PPP2R3B: variants seen among roughly 807,000 people sequenced by gnomAD.
PPP2R3B encodes the protein protein phosphatase 2 regulatory subunit B''beta.
In PPP2R3B, 68 loss-of-function variants were observed where a neutral mutation model predicts 72.9. The observed-to-expected ratio is 0.93, with a 90% CI of 0.77 to 1.14. PPP2R3B has a LOEUF of 1.14. PPP2R3B is among the 50% of genes most tolerant of loss of function. The pLI, the probability that PPP2R3B is intolerant of heterozygous loss-of-function variation, is 0.00. For synonymous variants in PPP2R3B, 466 were observed against 375.8 expected (o/e 1.24, Z -2.78); for missense variants, 1,018 against 842.0 (o/e 1.21, Z -2.59).
Position 334,323 on chromosome X carries a change from G to T in PPP2R3B, c.*44C>A. 6.9e-7 allele frequency: 1 copy of T among 1,439,050 alleles called. No individual in the cohort carries two copies. The highest frequency in any genetic ancestry group is 2.7e-5 in the East Asian group (1 of 37,308). The allele number at this position is 1,439,050 out of a possible 1,614,324, so 89.1% of individuals were successfully genotyped here. On this transcript the variant is annotated 3_prime_UTR_variant, in exon 13 of 13. Coordinates refer to ENST00000390665, the MANE Select transcript of PPP2R3B (RefSeq NM_013239.5). ...ACACGAGCCGCGGTGGCCCGGTGGT[G>T]GCACGTGGGGAGCGGCCCCGCGGCG...
chrX:334,553 C>A (rs776061282), intron 12 of PPP2R3B, 36 bp from the exon 13 acceptor site: 7 of 1,471,794 alleles, frequency 4.8e-6, no homozygotes, highest in Non-Finnish European at 5.4e-6. Context: ...TGGCCAGCAG[C>A]GCGGAGCAGG....
intron 12 of PPP2R3B, chrX:338,259 C>G (rs2070943527): frequency 1.7e-5 from 8 of 465,864 alleles, no homozygotes; most frequent in Non-Finnish European, 2.8e-5. Flanking sequence ...GCCCTGCAGC[C>G]TGCCCAGCAG....
chrX:356,798 G>GT (rs1276915608), intron 2 of PPP2R3B, among the ~76,000 whole-genome samples: 1 of 148,638 alleles, frequency 6.7e-6, no homozygotes, highest in African/African-American at 2.6e-5. Context: ...GAGCCCCACA[G>GT]TATCCACACC....
At chrX:375,775 C>G (rs183772471) in intron 1 of PPP2R3B, among the ~76,000 whole-genome samples, 1 of 102,764 alleles carries the variant, frequency 9.7e-6, no homozygotes, top group Non-Finnish European at 2.2e-5. Flanking sequence ...CCAACGGGCG[C>G]GATCCTCACA....
At chrX:356,144 G>A (rs1390522230) in intron 2 of PPP2R3B, among the ~76,000 whole-genome samples, 1 of 152,234 alleles carries the variant, frequency 6.6e-6, no homozygotes, top group African/African-American at 2.4e-5. Context: ...GTGTGGCCAC[G>A]TGCCCGCAGG....
intron 1 of PPP2R3B, among the ~76,000 whole-genome samples, chrX:375,368 G>T (rs1414182690): frequency 6.7e-6 from 1 of 148,562 alleles, no homozygotes. Flanking sequence ...GATGCGGGGC[G>T]CAAACTCACA....
intron 1 of PPP2R3B, among the ~76,000 whole-genome samples, chrX:364,704 T>G (rs1046527355): frequency 1.9e-5 from 1 of 52,748 alleles, no homozygotes; most frequent in African/African-American, 1.5e-4. Context: ...GGCGACAGAG[T>G]GAGACTCTGT....
At chrX:383,710 C>T (rs1298909419) in intron 1 of PPP2R3B, among the ~76,000 whole-genome samples, 31 of 151,344 alleles carry the variant, frequency 2.0e-4, no homozygotes, top group African/African-American at 6.1e-4. Flanking sequence ...TGGTGGCGGG[C>T]GCCTGTAGTC....
At chrX:339,005 C>T in intron 10 of PPP2R3B, 109 bp from the exon 11 acceptor site, 3 of 881,542 alleles carry the variant, frequency 3.4e-6, no homozygotes, top group South Asian at 1.4e-5. Context: ...CGGCACGAAG[C>T]TCCGGGCTCT....
At position 346,264 on chromosome X, in the gene PPP2R3B, C is replaced by CG. The variant is rs759594102; in HGVS notation, c.793-5dup. ...CGTAGAAGATCCGCTGGATGACCTG[C>CG]GGGGGCGCTGTCAGTGCGGTGGGTG... is the stretch of plus-strand genomic sequence containing the variant. On this transcript the variant is annotated splice_region_variant and splice_polypyrimidine_tract_variant and intron_variant, in intron 5 of 12. Transcript: ENST00000390665. The CG allele has an allele frequency of 5.8e-6, 9 of 1,562,984 alleles. No individual in the cohort carries two copies. Among genetic ancestry groups the CG allele is most frequent in the Non-Finnish European group, 7.8e-6 (9 of 1,155,624 alleles).
At chrX:350,475 C>T (rs1250959454) in intron 2 of PPP2R3B, among the ~76,000 whole-genome samples, 2 of 152,138 alleles carry the variant, frequency 1.3e-5, no homozygotes, top group African/African-American at 4.8e-5. Context: ...CTCTGCAAGG[C>T]GAGATTCTGA....
Position 340,945 on chromosome X carries a change from G to C in PPP2R3B, c.1176-5C>G, listed in dbSNP as rs200592165. 3.7e-6 allele frequency: 6 copies of C among 1,608,686 alleles called. No individual in the cohort carries two copies. Among genetic ancestry groups the C allele is most frequent in the African/African-American group, 1.3e-5 (1 of 74,746 alleles). On this transcript the variant is annotated splice_region_variant and splice_polypyrimidine_tract_variant and intron_variant, in intron 9 of 12. Transcript: ENST00000390665. ...CAGCGGAACCAGTACTCGATGCTGC[G>C]GCACGGCGAGCTCTGTCAGCCCCTG...
rs1315653870 is a variant in PPP2R3B at position 341,552 on chromosome X, A to T, written c.1086-156T>A. 11 of 773,588 alleles carry T rather than the reference A, an allele frequency of 1.4e-5. No individual in the cohort carries two copies. In the East Asian group the frequency reaches 2.8e-4, roughly 20 times the overall value. 47.9% of individuals were successfully genotyped at this position (773,588 alleles called of 1,614,324 possible). A position where few individuals can be genotyped will look rare whatever the true frequency, so the allele number is the denominator to read the frequency against. On this transcript the variant is annotated intron_variant, in intron 8 of 12. Coordinates refer to ENST00000390665, the MANE Select transcript of PPP2R3B (RefSeq NM_013239.5). Reference sequence around the variant, plus strand: ...CCCTCCTCCTGCCTCTCCGGGGAGGAGGTGGAGGCCCCGTGGCCAGAGGGT... The same window carrying T: ...CCCTCCTCCTGCCTCTCCGGGGAGGTGGTGGAGGCCCCGTGGCCAGAGGGT...
intron 2 of PPP2R3B, among the ~76,000 whole-genome samples, chrX:360,501 T>C (rs745432594): frequency 5.5e-4 from 84 of 152,292 alleles, no homozygotes; most frequent in African/African-American, 2.0e-3. Flanking sequence ...ACCACTGCAC[T>C]CCAGCCTGGG....
At chrX:361,739 G>C in intron 1 of PPP2R3B, 149 bp from the exon 2 acceptor site, 1 of 817,490 alleles carries the variant, frequency 1.2e-6, no homozygotes, top group East Asian at 2.6e-5. Context: ...CCCTGCGGGG[G>C]ACCACACACG....
intron 10 of PPP2R3B, among the ~76,000 whole-genome samples, chrX:339,152 A>G (rs1430451867): frequency 6.8e-6 from 1 of 146,722 alleles, no homozygotes; most frequent in African/African-American, 2.5e-5. Context: ...GGACTAGCGC[A>G]GGGAGGCGCG....
rs778261970 is a variant in PPP2R3B at position 386,741 on chromosome X, C to G, written c.-50G>C. The stretch of plus-strand genomic sequence containing the variant: ...CCCGGACGCCCGCGCCCCGCCCCGC[C>G]CCGGGGGCTTCGGTCCGCCCCGGAC... On this transcript the variant is annotated 5_prime_UTR_variant, in exon 1 of 13. Coordinates refer to ENST00000390665, the MANE Select transcript of PPP2R3B (RefSeq NM_013239.5). 2.1e-4 allele frequency: 242 copies of G among 1,164,322 alleles called. 1 individual carries two copies. The African/African-American group carries it at 3.8e-3, about 18-fold the overall frequency. The allele number at this position is 1,164,322 out of a possible 1,614,324, so 72.1% of individuals were successfully genotyped here.
At chrX:346,334 C>T (rs2071212316) in intron 5 of PPP2R3B, 74 bp from the exon 6 acceptor site, 3 of 1,434,698 alleles carry the variant, frequency 2.1e-6, no homozygotes, top group Non-Finnish European at 2.9e-6. Context: ...GACCGGGAGC[C>T]GGGAGAGGGG....
chrX:341,912 TATC>T lies in PPP2R3B; in HGVS notation c.1053_1055del (p.Met351del). ...TGACTGCTCCTGAGAAGATCCTGTC[TATC>T]ATCTTGGTAGAAAGGGCTGGAAAGG... On this transcript the variant is annotated inframe_deletion, in exon 8 of 13. Coordinates refer to ENST00000390665, the MANE Select transcript of PPP2R3B (RefSeq NM_013239.5). The T allele has an allele frequency of 6.2e-7, 1 of 1,612,658 alleles. No individual in the cohort carries two copies. The highest frequency in any genetic ancestry group is 8.5e-7 in the Non-Finnish European group (1 of 1,179,702).
Sources: gnomAD v4.1 joint callset for allele counts (sites outside exome capture counted in the v4.1 genomes callset) on GRCh38, gnomAD v4.1.1 for gene constraint, MANE v1.5 for transcripts, NCBI Gene and HGNC (gene_info 2026-07-23, HGNC 2026-07-21) for gene names.